SPEN: variants seen among roughly 807,000 people sequenced by gnomAD.
The protein encoded by SPEN is spen family transcriptional repressor.
Under a neutral mutation model 269.9 loss-of-function variants are expected in SPEN, and 18 were observed. The ratio of observed to expected loss-of-function variants is 0.07; its 90% CI spans 0.05 to 0.10. SPEN has a LOEUF of 0.10. Among genes scored for constraint, SPEN ranks in the 10% least tolerant of loss-of-function variants. SPEN has a pLI of 1.00. For missense variants in SPEN, 3,822 were observed against 4,631.2 expected (o/e 0.83, Z 5.07); for synonymous variants, 1,726 against 1,765.7 (o/e 0.98, Z 0.56).
intron 3 of SPEN, among the ~76,000 whole-genome samples, chr1:15,903,404 A>G (rs2070921908): frequency 6.6e-6 from 1 of 152,144 alleles, no homozygotes; most frequent in South Asian, 2.1e-4. Flanking sequence ...AAGTGGAACT[A>G]GGTTTCTTTT....
In SPEN at chr1:15,931,141, C is replaced by T; in HGVS notation, c.4901C>T (p.Pro1634Leu). Residue 1634 changes from proline to leucine, a missense_variant, in exon 11 of 15, where the codon CCA becomes CTA. Pro to Leu is a moderately conservative substitution (Grantham distance 98). Around this residue, in one of 16 missense-constraint regions of SPEN, gnomAD observed 533 missense variants for 618.8 expected, o/e 0.86. Coordinates refer to ENST00000375759, the MANE Select transcript of SPEN (RefSeq NM_015001.3). This position sits in a 1 kb window ranked among gnomAD's most constrained non-coding sequence, Gnocchi z 4.8. ...AATAAAGATTCAGAACTGAAAACTC[C>T]ACCTTCCGTTGGGCCTCCAAGTGTC... ...PENKDSELKTPPSVGPPSVTV... is the reference protein window; with the variant it reads ...PENKDSELKTLPSVGPPSVTV... The T allele has an allele frequency of 6.2e-7, 1 of 1,614,226 alleles. No homozygotes were observed. The highest frequency in any genetic ancestry group is 8.5e-7 in the Non-Finnish European group (1 of 1,180,046).
intron 1 of SPEN, among the ~76,000 whole-genome samples, chr1:15,862,489 A>AT (rs1280103693): frequency 6.6e-6 from 1 of 151,838 alleles, no homozygotes; most frequent in African/African-American, 2.4e-5. Flanking sequence ...CACACTGTGA[A>AT]TTTTTTCCAA....
At position 15,876,265 on chromosome 1, in the gene SPEN, G is replaced by A. The variant is rs1293461342; in HGVS notation, c.468G>A (p.Thr156=). 6.2e-6 allele frequency: 10 copies of A among 1,614,004 alleles called. No individual in the cohort carries two copies. Among genetic ancestry groups the A allele is most frequent in the Admixed American group, 1.7e-5 (1 of 59,968 alleles). The change falls in exon 3 of 15, where the codon ACG becomes ACA. Residue 156 remains threonine, a synonymous_variant. Transcript: ENST00000375759. ...CCTATGGACACCATGAACGGGGGACGGGAGGATTTGATCGGACAAGACATT... is the reference window on the plus strand; with the variant it reads ...CCTATGGACACCATGAACGGGGGACAGGAGGATTTGATCGGACAAGACATT... ...HSAYGHHERG[T]GGFDRTRHYD...
chr1:15,886,256 G>T (rs1011045768), intron 3 of SPEN, among the ~76,000 whole-genome samples: 1 of 152,132 alleles, frequency 6.6e-6, no homozygotes, highest in Admixed American at 6.6e-5. Flanking sequence ...TAGGATGCTC[G>T]ACTGCAGAGG....
rs769031481 is a variant in SPEN at position 15,876,381 on chromosome 1, A to T, written c.584A>T (p.Asp195Val). The change falls in exon 3 of 15, where the codon GAT (aspartate) becomes GTT (valine). Residue 195 changes from aspartate (D) to valine (V), a missense_variant. Asp to Val is a radical substitution (Grantham distance 152, BLOSUM62 -3). Coordinates refer to ENST00000375759, the MANE Select transcript of SPEN (RefSeq NM_015001.3). The part of the protein sequence containing the change: ...ASRSRSPNRF[D>V]AHDPRYEPRA... ...CGGAGTCGAAGTCCAAATCGCTTTG[A>T]TGCTCATGACCCCCGATATGAACCT... 1 of 1,614,092 alleles carries T rather than the reference A, an allele frequency of 6.2e-7. No individual in the cohort carries two copies. The highest frequency in any genetic ancestry group is 1.1e-5 in the South Asian group (1 of 91,074).
chr1:15,906,453 C>CTTTTTTTTTTTTTTTTTTTTTTTTTTT (rs200731520), intron 3 of SPEN, among the ~76,000 whole-genome samples: 2 of 92,586 alleles, frequency 2.2e-5, no homozygotes, highest in Non-Finnish European at 2.0e-5. Flanking sequence ...TCTTTCTTTC[C>CTTTTTTTTTTTTTTTTTTTTTTTTTTT]TTTTTTTTTT....
In SPEN at chr1:15,873,016, T is replaced by G. The variant is rs2070596941; in HGVS notation, c.284T>G (p.Val95Gly). The G allele has an allele frequency of 6.2e-7, 1 of 1,613,968 alleles. No individual in the cohort carries two copies. The highest frequency in any genetic ancestry group is 1.3e-5 in the African/African-American group (1 of 74,870). The change falls in exon 2 of 15, where the codon GTT becomes GGT. Residue 95 changes from valine (V) to glycine (G), a missense_variant. Transcript: ENST00000375759. ...PSAARGLDDT[V>G]SIASRSREVS... is the part of the protein sequence containing the mutation. Reference sequence around the variant, plus strand: ...GCTGCTCGGGGATTGGATGATACAGTTTCCATAGCATCTCGTAGTAGAGAG... The same window carrying G: ...GCTGCTCGGGGATTGGATGATACAGGTTCCATAGCATCTCGTAGTAGAGAG...
intron 3 of SPEN, among the ~76,000 whole-genome samples, chr1:15,879,904 T>C (rs2070670451): frequency 6.6e-6 from 1 of 152,068 alleles, no homozygotes; most frequent in African/African-American, 2.4e-5. Context: ...TCTCCTGACC[T>C]CGCCATCCGC....
Position 15,938,846 on chromosome 1 carries a change from C to A in SPEN, c.10833C>A (p.Ile3611=). 6.2e-7 allele frequency: 1 copy of A among 1,614,024 alleles called. No individual in the cohort carries two copies. The highest frequency in any genetic ancestry group is 1.1e-5 in the South Asian group (1 of 91,080). The change falls in exon 14 of 15, where the codon ATC becomes ATA. Residue 3611 remains isoleucine (I), a synonymous_variant. Transcript: ENST00000375759. ...TGCAGGCCAAGCAGGCGGCAGGGAT[C>A]ATCAACGTTCCCAACCCTGGCTCCA... ...TYLQAKQAAG[I]INVPNPGSNQ...
Position 15,931,833 on chromosome 1 carries a change from C to T in SPEN, c.5593C>T (p.Leu1865Phe). 3 of 1,614,202 alleles carry T rather than the reference C, an allele frequency of 1.9e-6. No individual in the cohort carries two copies. The highest frequency in any genetic ancestry group is 1.7e-6 in the Non-Finnish European group (2 of 1,180,042). The change falls in exon 11 of 15, where the codon CTT becomes TTT. Residue 1865 changes from leucine to phenylalanine, a missense_variant. By Grantham distance (22) the Leu-to-Phe change is conservative. Around this residue, in one of 16 missense-constraint regions of SPEN, gnomAD observed 533 missense variants for 618.8 expected, o/e 0.86. Coordinates refer to ENST00000375759, the MANE Select transcript of SPEN (RefSeq NM_015001.3). This position sits in a 1 kb window ranked among gnomAD's most constrained non-coding sequence, Gnocchi z 4.8. ...TTCTCCTCGGGGAGAAGCACAGAAG[C>T]TTTTGGAATTGAAGATGGAGGCAGA... is the stretch of plus-strand genomic sequence containing the variant. ...SNSPRGEAQKLLELKMEAEKI... is the reference protein window; with the variant it reads ...SNSPRGEAQKFLELKMEAEKI...
intron 3 of SPEN, among the ~76,000 whole-genome samples, chr1:15,878,952 G>A (rs1285981252): frequency 2.8e-5 from 4 of 143,204 alleles, no homozygotes; most frequent in African/African-American, 1.0e-4. Context: ...GGAGGTTGCA[G>A]TGAGCAAGCC....
intron 3 of SPEN, among the ~76,000 whole-genome samples, chr1:15,887,443 A>G (rs1479757338): frequency 6.6e-6 from 1 of 151,062 alleles, no homozygotes; most frequent in Non-Finnish European, 1.5e-5. Flanking sequence ...CACCACGCCC[A>G]GCTAATTTTT....
In SPEN at chr1:15,935,549, C is replaced by T. The variant is rs748551722; in HGVS notation, c.9309C>T (p.Pro3103=). 1.2e-6 allele frequency: 2 copies of T among 1,614,070 alleles called. No individual in the cohort carries two copies. The highest frequency in any genetic ancestry group is 2.2e-5 in the South Asian group (2 of 91,078). Residue 3103 remains proline, a synonymous_variant, in exon 11 of 15, where the codon CCC becomes CCT. Coordinates refer to ENST00000375759, the MANE Select transcript of SPEN (RefSeq NM_015001.3). The surrounding 1 kb of genome is among the most constrained non-coding windows in gnomAD (Gnocchi z 7.7). ...LSQGEVRMNT[P]TLPSITYSIR... ...AGGGCGAGGTGAGAATGAACACTCC[C>T]ACGCTGCCCAGTATCACCTACAGCA... is the stretch of plus-strand genomic sequence containing the variant.
intron 1 of SPEN, 82 bp from the exon 2 acceptor site, chr1:15,872,734 G>T (rs1394482329): frequency 8.4e-7 from 1 of 1,183,896 alleles, no homozygotes; most frequent in Non-Finnish European, 1.2e-6. Context: ...CATACATAAC[G>T]CAAATTGTCC....
rs1167650185 is a variant in SPEN at position 15,933,457 on chromosome 1, C to T, written c.7217C>T (p.Pro2406Leu). 2.5e-6 allele frequency: 4 copies of T among 1,614,156 alleles called. No homozygotes were observed. Among genetic ancestry groups the T allele is most frequent in the Middle Eastern group, 3.3e-4 (2 of 6,062 alleles). ...QSCTSDLSKI[P>L]STENSSQEIS... ...TGTACTTCTGACCTAAGCAAGATTC[C>T]CTCCACAGAGAATTCGTCCCAAGAA... The change falls in exon 11 of 15, where the codon CCC (proline) becomes CTC (leucine). Residue 2406 changes from proline (P) to leucine (L), a missense_variant. This residue lies in a region of SPEN where 727 missense variants were observed against 737.9 expected (regional missense o/e 0.99). Coordinates refer to ENST00000375759, the MANE Select transcript of SPEN (RefSeq NM_015001.3). This position sits in a 1 kb window ranked among gnomAD's most constrained non-coding sequence, Gnocchi z 5.7.
rs986234277 is a variant in SPEN at position 15,857,158 on chromosome 1, G to A, written c.83+9008G>A. 4.0e-5 allele frequency among the ~76,000 whole-genome samples: 6 copies of A among 151,454 alleles called. No individual in the cohort carries two copies. The South Asian group carries it at 1.3e-3, about 32-fold the overall frequency. On this transcript the variant is annotated intron_variant, in intron 1 of 14. Coordinates refer to ENST00000375759, the MANE Select transcript of SPEN (RefSeq NM_015001.3). ...GCTTACTGTGTCCCTTCAACCTCCC[G>A]GGCTCAAGAGATCCTCCCATCTTAG...
intron 5 of SPEN, 66 bp downstream of exon 5, chr1:15,911,367 G>C: frequency 7.6e-7 from 1 of 1,321,264 alleles, no homozygotes; most frequent in Non-Finnish European, 1.1e-6. Flanking sequence ...CAGTGTATGA[G>C]AGGGCAGCAT....
intron 5 of SPEN, among the ~76,000 whole-genome samples, chr1:15,914,815 A>G (rs2071042797): frequency 6.6e-6 from 1 of 151,832 alleles, no homozygotes; most frequent in South Asian, 2.1e-4. Context: ...CAAGAGTGAA[A>G]CTCCATCTCA....
chr1:15,927,979 A>T, intron 10 of SPEN, 112 bp from the exon 11 acceptor site: 1 of 1,008,268 alleles, frequency 9.9e-7, no homozygotes, highest in Non-Finnish European at 1.4e-6. Flanking sequence ...ACAAATGATT[A>T]AATAATGTCA....
Sources: gnomAD v4.1 joint callset for allele counts (sites outside exome capture counted in the v4.1 genomes callset) on GRCh38, gnomAD v4.1.1 for gene constraint, gnomAD v4.1.1 regional missense constraint, Gnocchi (gnomAD v3.1) non-coding constraint, MANE v1.5 for transcripts, NCBI Gene and HGNC (gene_info 2026-07-23, HGNC 2026-07-21) for gene names.